Variants in SYN1 observed in about 807,000 individuals in gnomAD.
SYN1 encodes synapsin I.
Under a neutral mutation model 44.6 loss-of-function variants are expected in SYN1, and 8 were observed. The ratio of observed to expected loss-of-function variants is 0.18; its 90% confidence interval spans 0.11 to 0.32. The LOEUF (loss-of-function observed/expected upper bound fraction) is 0.32. Among genes scored for constraint, SYN1 ranks in the 10% least tolerant of loss-of-function variants. The pLI, the probability that SYN1 is intolerant of heterozygous loss-of-function variation, is 1.00. For missense variants in SYN1, 451 were observed against 639.4 expected, an observed-to-expected ratio of 0.71 and a Z score of 3.18; for synonymous variants, 275 against 280.1, an observed-to-expected ratio of 0.98 and a Z score of 0.18.
chrX:47,610,774 A>G (rs888470847), intron 1 of SYN1, among the ~76,000 whole-genome samples: 3 of 111,143 alleles, frequency 2.7e-5, no homozygotes, highest in Non-Finnish European at 3.8e-5. Context: ...AATGGCCCAC[A>G]CTAAGTGAAG....
rs1416079196 is a variant in SYN1, at chrX:47,573,968, A to C, written c.1982+34T>G. 3 of 1,098,551 alleles carry C rather than the reference A, an allele frequency of 2.7e-6. No homozygotes were observed. In the South Asian group the frequency reaches 6.5e-5, roughly 24 times the overall value. The allele number at this position is 1,098,551 out of a possible 1,213,427, so 90.5% of individuals were successfully genotyped here. A position where few individuals can be genotyped will look rare whatever the true frequency, so the allele number is the denominator to read the frequency against. The stretch of plus-strand genomic sequence containing the variant: ...TGGGGCAGCGGCCCGCTTTGTGAGC[A>C]GCAAGGCGAAGGCTGCTGTAGGGGT... On this transcript the variant is annotated intron_variant, in intron 12 of 12. Transcript: ENST00000295987.
At chrX:47,611,846 C>A (rs957814277) in intron 1 of SYN1, among the ~76,000 whole-genome samples, 4 of 107,094 alleles carry the variant, frequency 3.7e-5, no homozygotes, top group African/African-American at 1.4e-4. Context: ...GGCAGTAAAC[C>A]AGGACAGCCC....
Position 47,576,519 on chromosome X carries a change from C to G in SYN1, c.959G>C (p.Gly320Ala), listed in dbSNP as rs1356850744. The G allele has an allele frequency of 1.7e-6, 2 of 1,210,241 alleles. No homozygotes were observed. Among genetic ancestry groups the G allele is most frequent in the Admixed American group, 4.4e-5 (2 of 45,826 alleles). Reference sequence around the variant, plus strand: ...TCACATGTAGGCCTTGTAGTTCTGCCCAATCTTCTGGACACGCACGTCATA... The same window carrying G: ...TCACATGTAGGCCTTGTAGTTCTGCGCAATCTTCTGGACACGCACGTCATA... ...AKYDVRVQKI[G>A]QNYKAYMRTS... The change falls in exon 7 of 13, where the codon GGG becomes GCG. Residue 320 changes from glycine to alanine, a missense_variant. Physicochemically the swap from Gly to Ala is moderately conservative, Grantham distance 60. Coordinates refer to ENST00000295987, the MANE Select transcript of SYN1 (RefSeq NM_006950.3).
In SYN1 at chrX:47,619,621, A is replaced by G. The variant is rs758180955; in HGVS notation, c.108T>C (p.Gly36=). 8.6e-6 allele frequency: 10 copies of G among 1,157,866 alleles called. No homozygotes were observed. The African/African-American group carries it at 1.3e-4, about 15-fold the overall frequency. The change falls in exon 1 of 13, where the codon GGT becomes GGC. Residue 36 remains glycine, a synonymous_variant. Transcript: ENST00000295987. ...QRPQPPPPPP[G]AHSPGATPGP... ...CGGGCGTGGCTCCGGGGCTGTGGGC[A>G]CCGGGCGGCGGTGGGGGCGGCTGCG...
At chrX:47,585,604 C>T (rs754889950) in intron 5 of SYN1, 21 of 1,196,434 alleles carry the variant, frequency 1.8e-5, no homozygotes, top group Middle Eastern at 4.6e-4. Flanking sequence ...CCTGGAACAG[C>T]CTGAGCTTAG....
Position 47,606,751 on chromosome X carries a change from A to ATATATAT in SYN1, c.527+193_527+194insATATATA, listed in dbSNP as rs1345170011. Among the ~76,000 whole-genome samples the ATATATAT allele has an allele frequency of 4.9e-3, 454 of 93,218 alleles. 7 individuals are homozygous for ATATATAT. Among genetic ancestry groups the ATATATAT allele is most frequent in the African/African-American group, 0.018 (437 of 24,837 alleles). The allele number at this position is 93,218 out of a possible 115,157, so 80.9% of individuals were successfully genotyped here. A position where few individuals can be genotyped will look rare whatever the true frequency, so the allele number is the denominator to read the frequency against. On this transcript the variant is annotated intron_variant, in intron 3 of 12. Coordinates refer to ENST00000295987, the MANE Select transcript of SYN1 (RefSeq NM_006950.3). ...CTGAAATATATATATATATATATAT[A>ATATATAT]TTTTTTTTTAAAGTCTGACTTGTGG... is the stretch of plus-strand genomic sequence containing the variant.
chrX:47,616,744 T>C (rs1393539266), intron 1 of SYN1, among the ~76,000 whole-genome samples: 1 of 111,866 alleles, frequency 8.9e-6, no homozygotes, highest in Non-Finnish European at 1.9e-5. Flanking sequence ...GATTAATAAG[T>C]GTTTTCTGGA....
At chrX:47,607,716 C>CA (rs1349491913) in intron 1 of SYN1, among the ~76,000 whole-genome samples, 1 of 16,187 alleles carries the variant, frequency 6.2e-5, no homozygotes, top group Admixed American at 7.0e-4. Flanking sequence ...CCCATCTCTA[C>CA]AAAAAAAATT....
intron 1 of SYN1, 113 bp from the exon 2 acceptor site, chrX:47,607,311 CT>C: frequency 1.6e-6 from 1 of 621,457 alleles, no homozygotes; most frequent in Non-Finnish European, 2.5e-6. Context: ...CACAAAGTGC[CT>C]TATAATTATT....
chrX:47,597,575 C>G (rs1327115911), intron 5 of SYN1, among the ~76,000 whole-genome samples: 3 of 109,503 alleles, frequency 2.7e-5, no homozygotes, highest in African/African-American at 1.0e-4. Context: ...TAATGGAAGT[C>G]CCAAAAGGAG....
At chrX:47,604,394 A>G (rs1463439974) in intron 5 of SYN1, among the ~76,000 whole-genome samples, 1 of 110,347 alleles carries the variant, frequency 9.1e-6, no homozygotes, top group Non-Finnish European at 1.9e-5. Flanking sequence ...CTGGGACTAC[A>G]GGCACGCACC....
intron 5 of SYN1, 28 bp from the exon 6 acceptor site, chrX:47,577,529 G>T (rs1212353458): frequency 1.7e-6 from 2 of 1,186,838 alleles, no homozygotes; most frequent in South Asian, 3.7e-5. Context: ...GAGGAGACAT[G>T]CTCAGGGCAG....
chrX:47,583,589 TC>T, intron 5 of SYN1: 1 of 1,132,913 alleles, frequency 8.8e-7, no homozygotes. Context: ...TCCCTTTCAG[TC>T]CAGTGGGGCT....
At chrX:47,606,747 A>AT (rs1169667275) in intron 3 of SYN1, among the ~76,000 whole-genome samples, 198 bp downstream of exon 3, 37 of 99,610 alleles carry the variant, frequency 3.7e-4, no homozygotes, top group East Asian at 3.6e-3. Context: ...ATATATATAT[A>AT]TATATTTTTT....
chrX:47,606,761 A>G (rs1322654273), intron 3 of SYN1, among the ~76,000 whole-genome samples, 184 bp downstream of exon 3: 1 of 100,937 alleles, frequency 9.9e-6, no homozygotes. Flanking sequence ...ATTTTTTTTT[A>G]AAGTCTGACT....
At chrX:47,593,272 C>CT (rs759476078) in intron 5 of SYN1, among the ~76,000 whole-genome samples, 5,276 of 78,943 alleles carry the variant, frequency 0.067, 448 homozygotes, top group African/African-American at 0.21. Context: ...ATGGTCTATG[C>CT]TTTTTTTTTT....
At chrX:47,595,930 T>C (rs947048610) in intron 5 of SYN1, among the ~76,000 whole-genome samples, 4 of 112,240 alleles carry the variant, frequency 3.6e-5, no homozygotes, top group Non-Finnish European at 7.5e-5. Context: ...TTGACCAAGG[T>C]TTACAATTCA....
At chrX:47,597,105 G>A (rs779201678) in intron 5 of SYN1, among the ~76,000 whole-genome samples, 6 of 110,992 alleles carry the variant, frequency 5.4e-5, no homozygotes, top group Middle Eastern at 4.7e-3. Flanking sequence ...AGACTGAGGC[G>A]GGTGGATCAC....
intron 5 of SYN1, among the ~76,000 whole-genome samples, chrX:47,600,839 A>T (rs997506781): frequency 8.9e-6 from 1 of 112,145 alleles, no homozygotes; most frequent in Non-Finnish European, 1.9e-5. Flanking sequence ...AGATGAATGA[A>T]AATGAACACA....
Sources: gnomAD v4.1 joint callset for allele counts (sites outside exome capture counted in the v4.1 genomes callset) on GRCh38, gnomAD v4.1.1 for gene constraint, MANE v1.5 for transcripts, NCBI Gene and HGNC (gene_info 2026-07-23, HGNC 2026-07-21) for gene names.